STIM1: variants seen among roughly 807,000 people sequenced by gnomAD.
The protein encoded by STIM1 is stromal interaction molecule 1.
A neutral mutation model predicts 74.7 loss-of-function variants in STIM1; 25 were observed. The ratio of observed to expected loss-of-function variants is 0.33; its 90% CI spans 0.24 to 0.47. The LOEUF (loss-of-function observed/expected upper bound fraction) is 0.47, where lower values mean the gene tolerates loss of function less well. STIM1 is among the 20% of genes least tolerant of loss of function. The pLI, the probability that STIM1 is intolerant of heterozygous loss-of-function variation, is 1.00. For synonymous variants in STIM1, 328 were observed against 348.8 expected (o/e 0.94, Z 0.66); for missense variants, 728 against 920.8 (o/e 0.79, Z 2.71).
intron 2 of STIM1, among the ~76,000 whole-genome samples, chr11:4,002,431 A>T (rs1013198685): frequency 6.6e-6 from 1 of 152,118 alleles, no homozygotes. Context: ...GGATTAAGAA[A>T]CTCACTCAGA....
intron 2 of STIM1, among the ~76,000 whole-genome samples, chr11:4,007,071 C>G (rs780818742): frequency 6.6e-6 from 1 of 152,158 alleles, no homozygotes; most frequent in South Asian, 2.1e-4. Context: ...CACTACTTCA[C>G]TACTGCTTGA....
intron 1 of STIM1, among the ~76,000 whole-genome samples, chr11:3,883,014 TG>T (rs1485238678): frequency 7.0e-6 from 1 of 142,050 alleles, no homozygotes; most frequent in Non-Finnish European, 1.6e-5. Context: ...AAAACTAAGT[TG>T]TTTGTTTTTT....
intron 2 of STIM1, among the ~76,000 whole-genome samples, chr11:3,998,604 C>T (rs2093683648): frequency 6.6e-6 from 1 of 152,044 alleles, no homozygotes; most frequent in African/African-American, 2.4e-5. Flanking sequence ...AGAAAATTTA[C>T]AAGATGCTGG....
chr11:4,008,723 G>A (rs1422775822), intron 2 of STIM1, among the ~76,000 whole-genome samples: 1 of 152,140 alleles, frequency 6.6e-6, no homozygotes, highest in Non-Finnish European at 1.5e-5. Flanking sequence ...GGACCATGGA[G>A]ACATGCCAGT....
intron 1 of STIM1, among the ~76,000 whole-genome samples, chr11:3,951,110 A>C (rs1192078114): frequency 6.6e-6 from 1 of 152,200 alleles, no homozygotes; most frequent in Non-Finnish European, 1.5e-5. Context: ...TGTGCAGAGG[A>C]GGGAGCAGGG....
intron 2 of STIM1, among the ~76,000 whole-genome samples, chr11:3,976,221 TA>T (rs1324914045): frequency 6.6e-6 from 1 of 152,198 alleles, no homozygotes; most frequent in African/African-American, 2.4e-5. Flanking sequence ...AGGCATGAAC[TA>T]CTAATATACA....
chr11:3,961,749 C>A (rs1356288317), intron 1 of STIM1, among the ~76,000 whole-genome samples: 3 of 152,152 alleles, frequency 2.0e-5, no homozygotes, highest in Non-Finnish European at 4.4e-5. Flanking sequence ...ACCTTGTGAT[C>A]CGCCTGCCTC....
intron 7 of STIM1, 36 bp from the exon 8 acceptor site, chr11:4,082,148 A>G (rs985223121): frequency 1.9e-6 from 3 of 1,610,502 alleles, no homozygotes; most frequent in African/African-American, 2.7e-5. Flanking sequence ...GAGTCTTAGT[A>G]GCAGTAAATG....
chr11:3,918,987 G>T (rs2092685278), intron 1 of STIM1, among the ~76,000 whole-genome samples: 1 of 152,178 alleles, frequency 6.6e-6, no homozygotes, highest in Admixed American at 6.6e-5. Context: ...GGGAGGGAAG[G>T]AGAGGAGGAG....
chr11:3,998,351 G>T (rs1412538519), intron 2 of STIM1, among the ~76,000 whole-genome samples: 3 of 152,262 alleles, frequency 2.0e-5, no homozygotes, highest in African/African-American at 4.8e-5. Context: ...TAACTCTCTG[G>T]CTCCTGGCTA....
intron 1 of STIM1, among the ~76,000 whole-genome samples, chr11:3,909,526 A>G (rs1347857089): frequency 6.6e-6 from 1 of 152,158 alleles, no homozygotes; most frequent in African/African-American, 2.4e-5. Flanking sequence ...GGAGGTGGAA[A>G]AAAAGTCATC....
chr11:3,867,851 GGCAGGCAGGCAGGCAGGCAA>G (rs1207913932), intron 1 of STIM1, among the ~76,000 whole-genome samples: 1 of 141,420 alleles, frequency 7.1e-6, no homozygotes, highest in Non-Finnish European at 1.6e-5. Flanking sequence ...CTGGCAGGCA[GGCAGGCAGGCAGGCAGGCAA>G]GCAGGCAGGC....
At chr11:3,918,013 G>A (rs1413153615) in intron 1 of STIM1, among the ~76,000 whole-genome samples, 3 of 152,142 alleles carry the variant, frequency 2.0e-5, no homozygotes, top group Admixed American at 6.5e-5. Context: ...CCAAGAGAGG[G>A]ACTTTATTGA....
intron 1 of STIM1, among the ~76,000 whole-genome samples, chr11:3,861,360 A>C (rs2090599878): frequency 6.6e-6 from 1 of 151,812 alleles, no homozygotes; most frequent in Non-Finnish European, 1.5e-5. Flanking sequence ...CAGCCTCCCA[A>C]GTGGCTGGGA....
At chr11:3,936,842 G>A (rs1383291236) in intron 1 of STIM1, among the ~76,000 whole-genome samples, 1 of 152,138 alleles carries the variant, frequency 6.6e-6, no homozygotes, top group East Asian at 1.9e-4. Flanking sequence ...CTGTTCTTTG[G>A]CAGAGAAAAC....
intron 5 of STIM1, among the ~76,000 whole-genome samples, chr11:4,064,560 A>C (rs1034432048): frequency 1.3e-5 from 2 of 152,194 alleles, no homozygotes; most frequent in African/African-American, 4.8e-5. Flanking sequence ...AGCTATAATA[A>C]AAATTCTGTT....
rs188217605 is a variant in STIM1 at position 3,983,991 on chromosome 11, C to T, written c.270+16309C>T. ...AAGCGATTCTCCTGCCTCAGCCTCG[C>T]GAGTAGCTGGGATTACAGGCATATG... is the stretch of plus-strand genomic sequence containing the variant. On this transcript the variant is annotated intron_variant, in intron 2 of 12. Transcript: ENST00000526596. 5.4e-3 allele frequency among the ~76,000 whole-genome samples: 828 copies of T among 152,060 alleles called. 3 individuals are homozygous for T. The highest frequency in any genetic ancestry group is 8.2e-3 in the Non-Finnish European group (560 of 67,970).
rs187779743 is a variant in STIM1 at position 4,079,847 on chromosome 11, C to T, written c.970-2337C>T. ...TGCATATTAGAATGACTTGGAGAGC[C>T]TATTTTAATGCCCAGGCAAACCCCC... On this transcript the variant is annotated intron_variant, in intron 7 of 12. Transcript: ENST00000526596. Among the ~76,000 whole-genome samples, 36 of 152,184 alleles carry T rather than the reference C, an allele frequency of 2.4e-4. 1 individual carries two copies. The East Asian group carries it at 6.6e-3, about 28-fold the overall frequency.
intron 2 of STIM1, among the ~76,000 whole-genome samples, chr11:4,002,793 C>T (rs1260089802): frequency 6.7e-6 from 1 of 149,120 alleles, no homozygotes; most frequent in Non-Finnish European, 1.5e-5. Flanking sequence ...ATTAATGAAT[C>T]CAGGAGCCGG....
Sources: allele counts gnomAD v4.1 joint callset (sites outside exome capture counted in the v4.1 genomes callset), GRCh38; gene constraint gnomAD v4.1.1; transcripts MANE v1.5; gene names NCBI Gene and HGNC (gene_info 2026-07-23, HGNC 2026-07-21).